Variants in SOS2 observed in about 807,000 individuals in gnomAD.
The protein encoded by SOS2 is SOS Ras/Rho guanine nucleotide exchange factor 2.
SOS2 carries 65 observed loss-of-function variants against 148.2 expected under a neutral mutation model. The observed-to-expected ratio is 0.44, with a 90% CI of 0.36 to 0.54. The LOEUF is 0.54. Among genes scored for constraint, SOS2 ranks in the 20% least tolerant of loss-of-function variants. SOS2 has a pLI of 0.00. For missense variants in SOS2, 1,341 were observed against 1,590.2 expected (o/e 0.84, Z 2.67); for synonymous variants, 539 against 537.1 (o/e 1.00, Z -0.05).
In SOS2 at chr14:50,182,605, T is replaced by C. The variant is rs963844874; in HGVS notation, c.716A>G (p.Asp239Gly). 2 of 1,595,744 alleles carry C rather than the reference T, an allele frequency of 1.3e-6. No homozygotes were observed. The highest frequency in any genetic ancestry group is 1.1e-5 in the South Asian group (1 of 89,374). ...LSDRKLFKPSDIEKIFSNISD... is the reference protein window; with the variant it reads ...LSDRKLFKPSGIEKIFSNISD... ...AATGTTACTAAAAATCTTTTCGATATCCTGAAAAAAGAGAAGGAAGGTTAA... is the reference window on the plus strand; with the variant it reads ...AATGTTACTAAAAATCTTTTCGATACCCTGAAAAAAGAGAAGGAAGGTTAA... Residue 239 changes from aspartate to glycine, a missense_variant and splice_region_variant, in exon 6 of 23, where the codon GAT becomes GGT. Physicochemically the swap from Asp to Gly is moderately conservative, Grantham distance 94. This residue lies in a region of SOS2 where 574 missense variants were observed against 711.1 expected (regional missense o/e 0.81). Coordinates refer to ENST00000216373, the MANE Select transcript of SOS2 (RefSeq NM_006939.4).
chr14:50,150,061 A>C lies in SOS2; in HGVS notation c.2331T>G (p.Leu777=). The C allele has an allele frequency of 6.2e-7, 1 of 1,614,052 alleles. No individual in the cohort carries two copies. The highest frequency in any genetic ancestry group is 1.1e-5 in the South Asian group (1 of 91,076). ...GQFETFDLMT[L]HPIEIARQLT... is the part of the protein sequence containing the mutation. ...GCTGACGTGCAATTTCTATTGGATGAAGTGTCATGAGATCAAATGTTTCAA... is the reference window on the plus strand; with the variant it reads ...GCTGACGTGCAATTTCTATTGGATGCAGTGTCATGAGATCAAATGTTTCAA... Residue 777 remains leucine (L), a synonymous_variant, in exon 14 of 23, where the codon CTT becomes CTG. Transcript: ENST00000216373.
chr14:50,123,557 A>G (rs1330069426), intron 21 of SOS2, among the ~76,000 whole-genome samples: 1 of 151,858 alleles, frequency 6.6e-6, no homozygotes, highest in Non-Finnish European at 1.5e-5. Context: ...TAATTTTTGT[A>G]TTTTTAGTAG....
chr14:50,165,465 AT>A (rs1201421936), intron 8 of SOS2, among the ~76,000 whole-genome samples: 1 of 151,260 alleles, frequency 6.6e-6, no homozygotes, highest in Admixed American at 6.6e-5. Flanking sequence ...ACCATTATGT[AT>A]TTTTTTTTAC....
In SOS2 at chr14:50,204,302, C is replaced by T. The variant is rs1803661; in HGVS notation, c.195G>A (p.Arg65=). 445 of 1,602,100 alleles carry T rather than the reference C, an allele frequency of 2.8e-4. 1 individual carries two copies. Among genetic ancestry groups the T allele is most frequent in the Non-Finnish European group, 3.7e-4 (429 of 1,174,308 alleles). Residue 65 remains arginine, a synonymous_variant, in exon 2 of 23, where the codon AGG becomes AGA. Transcript: ENST00000216373. ...TTTTTACCTCTACATCTTGAACAGT[C>T]CTTGGCTGGGCCATGCATAATTTAT... The part of the protein sequence containing the change: ...LLNKLCMAQP[R]TVQDVEERVQ...
At chr14:50,208,773 A>G (rs913380331) in intron 1 of SOS2, among the ~76,000 whole-genome samples, 20 of 152,358 alleles carry the variant, frequency 1.3e-4, no homozygotes, top group African/African-American at 4.8e-4. Context: ...TCTATTCCAC[A>G]TTATATTTGG....
At chr14:50,224,481 G>A (rs956703545) in intron 1 of SOS2, among the ~76,000 whole-genome samples, 16 of 151,928 alleles carry the variant, frequency 1.1e-4, no homozygotes, top group African/African-American at 2.9e-4. Context: ...CTGAAAGCTT[G>A]ATATTCTTCT....
At chr14:50,159,393 C>T (rs1884926329) in intron 10 of SOS2, 38 bp downstream of exon 10, 2 of 1,414,084 alleles carry the variant, frequency 1.4e-6, no homozygotes, top group South Asian at 1.5e-5. Context: ...TTTTGGGTCC[C>T]AGGCCCTAGG....
intron 18 of SOS2, among the ~76,000 whole-genome samples, chr14:50,137,350 T>A (rs1190643418): frequency 6.6e-6 from 1 of 152,210 alleles, no homozygotes; most frequent in African/African-American, 2.4e-5. Flanking sequence ...ATGAATTATA[T>A]AACGTTATTT....
intron 8 of SOS2, among the ~76,000 whole-genome samples, chr14:50,172,433 T>C (rs903093772): frequency 5.7e-5 from 8 of 139,554 alleles, no homozygotes; most frequent in Admixed American, 5.0e-4. Flanking sequence ...TTTTTTTTTT[T>C]CTGAGATGGA....
At chr14:50,137,909 G>C (rs985863937) in intron 18 of SOS2, among the ~76,000 whole-genome samples, 1 of 152,016 alleles carries the variant, frequency 6.6e-6, no homozygotes, top group South Asian at 2.1e-4. Flanking sequence ...GCATGATCTC[G>C]GCTCACTGCA....
intron 8 of SOS2, among the ~76,000 whole-genome samples, chr14:50,173,210 C>A (rs1265696538): frequency 6.6e-6 from 1 of 152,046 alleles, no homozygotes; most frequent in Non-Finnish European, 1.5e-5. Context: ...CTTTAGGATA[C>A]CACATCGTTG....
At chr14:50,225,562 A>T (rs1413040972) in intron 1 of SOS2, among the ~76,000 whole-genome samples, 3 of 152,224 alleles carry the variant, frequency 2.0e-5, no homozygotes, top group Non-Finnish European at 2.9e-5. Flanking sequence ...CAAGTACAGC[A>T]AGTTAAAGTA....
chr14:50,224,513 T>C (rs543011473), intron 1 of SOS2, among the ~76,000 whole-genome samples: 1 of 151,812 alleles, frequency 6.6e-6, no homozygotes, highest in African/African-American at 2.4e-5. Context: ...GAAGAAAGGA[T>C]TTCAAAAAAA....
At chr14:50,147,142 G>C (rs1372831080) in intron 14 of SOS2, among the ~76,000 whole-genome samples, 1 of 152,012 alleles carries the variant, frequency 6.6e-6, no homozygotes, top group Admixed American at 6.5e-5. Flanking sequence ...GCTGCAATGA[G>C]CTATGATCAT....
intron 8 of SOS2, among the ~76,000 whole-genome samples, chr14:50,165,564 A>G (rs965758509): frequency 3.3e-5 from 5 of 152,198 alleles, no homozygotes; most frequent in Admixed American, 3.3e-4. Context: ...ATCTCATAGT[A>G]CTACCTCTAT....
At chr14:50,172,816 C>T (rs3742467) in intron 8 of SOS2, among the ~76,000 whole-genome samples, 133,195 of 152,058 alleles carry the variant, frequency 0.88, 58,431 homozygotes, top group East Asian at 0.91. Flanking sequence ...CTTTTAAAGG[C>T]AGGAGTGATT....
chr14:50,131,799 G>A (rs892534055), intron 19 of SOS2, among the ~76,000 whole-genome samples: 2 of 152,262 alleles, frequency 1.3e-5, no homozygotes, highest in Non-Finnish European at 2.9e-5. Flanking sequence ...TTTTTAACAA[G>A]GGATCAGATG....
At chr14:50,207,254 T>G (rs1359847062) in intron 1 of SOS2, among the ~76,000 whole-genome samples, 2 of 152,160 alleles carry the variant, frequency 1.3e-5, no homozygotes, top group Admixed American at 6.5e-5. Flanking sequence ...GGTTCATGCC[T>G]GTAATCCCAG....
chr14:50,178,668 GTGCATATATATATATATATATA>G lies in SOS2; in HGVS notation c.969+1882_969+1903del, dbSNP rs1316806538. Among the ~76,000 whole-genome samples the G allele has an allele frequency of 4.0e-3, 274 of 68,412 alleles. 4 individuals are homozygous for G. Among genetic ancestry groups the G allele is most frequent in the Admixed American group, 9.4e-3 (79 of 8,368 alleles). 44.9% of individuals were successfully genotyped at this position (68,412 alleles called of 152,430 possible). On this transcript the variant is annotated intron_variant, in intron 7 of 22. Transcript: ENST00000216373. ...CGCTAGTGTGTGTGTGTGTGTGTGT[GTGCATATATATATATATATATA>G]TATATATATATATATATATATACAC...
Sources: allele counts gnomAD v4.1 joint callset (sites outside exome capture counted in the v4.1 genomes callset), GRCh38; gene constraint gnomAD v4.1.1; regional missense constraint gnomAD v4.1.1; transcripts MANE v1.5; gene names NCBI Gene and HGNC (gene_info 2026-07-23, HGNC 2026-07-21).